CACNA2D3: variants seen among roughly 807,000 people sequenced by gnomAD.
The protein encoded by CACNA2D3 is calcium voltage-gated channel auxiliary subunit alpha2delta 3.
In CACNA2D3, 60 loss-of-function variants were observed where a neutral mutation model predicts 160.6. The ratio of observed to expected loss-of-function variants is 0.37; its 90% CI spans 0.30 to 0.46. CACNA2D3 has a LOEUF of 0.46. CACNA2D3 is among the 20% of genes least tolerant of loss of function. The pLI, the probability that CACNA2D3 is intolerant of heterozygous loss-of-function variation, is 1.00. For missense variants in CACNA2D3, 1,205 were observed against 1,365.0 expected (o/e 0.88, Z 1.85); for synonymous variants, 558 against 492.9 (o/e 1.13, Z -1.75).
At chr3:54,804,885 G>A (rs1316516872) in intron 13 of CACNA2D3, among the ~76,000 whole-genome samples, 2 of 152,146 alleles carry the variant, frequency 1.3e-5, no homozygotes, top group Non-Finnish European at 2.9e-5. Context: ...CTAGAACTCA[G>A]GATTAAGAAA....
intron 4 of CACNA2D3, among the ~76,000 whole-genome samples, chr3:54,502,049 T>G (rs1701303609): frequency 6.6e-6 from 1 of 152,228 alleles, no homozygotes; most frequent in Admixed American, 6.5e-5. Flanking sequence ...CTTTCTGGTT[T>G]CTTTCAAGAT....
intron 11 of CACNA2D3, among the ~76,000 whole-genome samples, chr3:54,744,651 A>G (rs1288105686): frequency 1.3e-5 from 2 of 152,244 alleles, no homozygotes; most frequent in Non-Finnish European, 2.9e-5. Context: ...CTTCACCCAC[A>G]GGAGTCAGCT....
intron 2 of CACNA2D3, among the ~76,000 whole-genome samples, chr3:54,309,420 G>A (rs1468520310): frequency 1.3e-5 from 2 of 152,224 alleles, no homozygotes; most frequent in African/African-American, 4.8e-5. Flanking sequence ...AAAAGCTTAT[G>A]CAATCTATGA....
At chr3:54,538,789 C>A (rs1334231053) in intron 5 of CACNA2D3, among the ~76,000 whole-genome samples, 1 of 152,078 alleles carries the variant, frequency 6.6e-6, no homozygotes, top group African/African-American at 2.4e-5. Flanking sequence ...CATGAGTGAC[C>A]CCTGGCCCAT....
intron 27 of CACNA2D3, among the ~76,000 whole-genome samples, chr3:54,967,800 C>T (rs1249606355): frequency 3.3e-5 from 5 of 152,176 alleles, no homozygotes; most frequent in Non-Finnish European, 5.9e-5. Context: ...AAGTCACATT[C>T]TTAACCTCTT....
At chr3:54,367,648 A>G (rs1170956636) in intron 3 of CACNA2D3, 2 of 303,544 alleles carry the variant, frequency 6.6e-6, no homozygotes, top group African/African-American at 2.3e-5. Flanking sequence ...AGCTCTGCCC[A>G]TTAACTTAGT....
Position 54,133,246 on chromosome 3 carries a change from A to C in CACNA2D3, c.204+9652A>C, listed in dbSNP as rs531083313. Among the ~76,000 whole-genome samples, 5 of 152,330 alleles carry C rather than the reference A, an allele frequency of 3.3e-5. No homozygotes were observed. In the South Asian group the frequency reaches 1.0e-3, roughly 32 times the overall value. ...GATATATCATTTAATTTCTCATAGC[A>C]ACCCCTGAGGTCAGATCTATTATCA... On this transcript the variant is annotated intron_variant, in intron 2 of 37. Coordinates refer to ENST00000474759, the MANE Select transcript of CACNA2D3 (RefSeq NM_018398.3).
At chr3:54,673,168 C>T (rs1300626782) in intron 11 of CACNA2D3, among the ~76,000 whole-genome samples, 1 of 152,192 alleles carries the variant, frequency 6.6e-6, no homozygotes, top group Non-Finnish European at 1.5e-5. Context: ...GGGGTAAATT[C>T]ACCTCTCTTA....
At chr3:54,188,333 A>C (rs753962335) in intron 2 of CACNA2D3, among the ~76,000 whole-genome samples, 4 of 152,304 alleles carry the variant, frequency 2.6e-5, no homozygotes, top group South Asian at 2.1e-4. Flanking sequence ...AGCTGAGGAG[A>C]GCTGTAATGA....
At chr3:54,345,782 T>G (rs140054363) in intron 3 of CACNA2D3, among the ~76,000 whole-genome samples, 223 of 152,152 alleles carry the variant, frequency 1.5e-3, no homozygotes, top group African/African-American at 5.2e-3. Context: ...AGAGTCTAAG[T>G]CTTTGCAATC....
chr3:55,028,389 T>C (rs1703610175), intron 35 of CACNA2D3, among the ~76,000 whole-genome samples: 1 of 152,228 alleles, frequency 6.6e-6, no homozygotes, highest in African/African-American at 2.4e-5. Flanking sequence ...CTCTAACCAA[T>C]AATTTTTGTC....
At chr3:55,038,526 G>A (rs897370598) in intron 35 of CACNA2D3, among the ~76,000 whole-genome samples, 6 of 152,038 alleles carry the variant, frequency 3.9e-5, no homozygotes, top group Non-Finnish European at 7.4e-5. Flanking sequence ...ATATAAAAAC[G>A]TGAAATGTGG....
In CACNA2D3 at chr3:54,749,857, C is replaced by G. The variant is rs1339582935; in HGVS notation, c.1168-2742C>G. On this transcript the variant is annotated intron_variant, in intron 11 of 37. Transcript: ENST00000474759. ...CTTTCATAAGCAATAAAATAACATA[C>G]AAACCAATGAAACAAATATAATACC... Among the ~76,000 whole-genome samples the G allele has an allele frequency of 3.3e-5, 5 of 152,262 alleles. No homozygotes were observed. The East Asian group carries it at 9.7e-4, about 29-fold the overall frequency.
At chr3:54,892,448 T>A (rs895127441) in intron 25 of CACNA2D3, among the ~76,000 whole-genome samples, 9 of 152,094 alleles carry the variant, frequency 5.9e-5, no homozygotes, top group African/African-American at 2.2e-4. Flanking sequence ...CATATAACCT[T>A]ACAAAACCAA....
At chr3:54,130,780 G>A (rs1342005639) in intron 2 of CACNA2D3, among the ~76,000 whole-genome samples, 1 of 152,194 alleles carries the variant, frequency 6.6e-6, no homozygotes, top group African/African-American at 2.4e-5. Flanking sequence ...CGATCTCACA[G>A]GTGTTTGGGA....
intron 23 of CACNA2D3, among the ~76,000 whole-genome samples, chr3:54,886,852 C>T (rs1432521930): frequency 6.7e-6 from 1 of 149,358 alleles, no homozygotes; most frequent in African/African-American, 2.5e-5. Flanking sequence ...ATTTGCATTA[C>T]TATATAGAAT....
At chr3:54,584,321 C>T (rs987486079) in intron 9 of CACNA2D3, among the ~76,000 whole-genome samples, 1 of 152,100 alleles carries the variant, frequency 6.6e-6, no homozygotes, top group Admixed American at 6.5e-5. Flanking sequence ...AGTAGAAAAT[C>T]TCCCAAAGGA....
At chr3:54,428,017 C>G (rs757157123) in intron 4 of CACNA2D3, among the ~76,000 whole-genome samples, 1 of 152,134 alleles carries the variant, frequency 6.6e-6, no homozygotes, top group Non-Finnish European at 1.5e-5. Flanking sequence ...TGTATCAAAC[C>G]CAAAACATGT....
At chr3:54,918,989 A>G (rs1700753009) in intron 27 of CACNA2D3, 8 of 973,058 alleles carry the variant, frequency 8.2e-6, no homozygotes, top group Non-Finnish European at 9.6e-6. Flanking sequence ...GGAATTTATG[A>G]AGTACCTTTT....
Sources: gnomAD v4.1 joint callset for allele counts (sites outside exome capture counted in the v4.1 genomes callset) on GRCh38, gnomAD v4.1.1 for gene constraint, MANE v1.5 for transcripts, NCBI Gene and HGNC (gene_info 2026-07-23, HGNC 2026-07-21) for gene names.